ATP8A2: variants seen among roughly 807,000 people sequenced by gnomAD.
ATP8A2 encodes the protein ATPase phospholipid transporting 8A2.
In ATP8A2, 100 loss-of-function variants were observed where a neutral mutation model predicts 165.6. That is an observed-to-expected ratio of 0.60 (90% CI 0.51 to 0.71). ATP8A2 has a LOEUF of 0.71. Among genes scored for constraint, ATP8A2 ranks in the 30% least tolerant of loss-of-function variants. ATP8A2 has a pLI of 0.00. For synonymous variants in ATP8A2, 543 were observed against 548.8 expected (o/e 0.99, Z 0.15); for missense variants, 1,227 against 1,479.5 (o/e 0.83, Z 2.80).
At chr13:25,647,248 A>T (rs970598047) in intron 24 of ATP8A2, among the ~76,000 whole-genome samples, 1 of 152,224 alleles carries the variant, frequency 6.6e-6, no homozygotes, top group Admixed American at 6.5e-5. Flanking sequence ...GTTTCAGCTT[A>T]AAAAATTCCC....
chr13:25,506,940 C>CATATATATATATATATAT (rs59774160), intron 2 of ATP8A2, among the ~76,000 whole-genome samples: 1,568 of 128,340 alleles, frequency 0.012, 27 homozygotes, highest in African/African-American at 0.016. Context: ...CAGTACAGTA[C>CATATATATATATATATAT]ATATATATAT....
chr13:25,756,385 G>A (rs769761094), intron 25 of ATP8A2, among the ~76,000 whole-genome samples: 97 of 149,302 alleles, frequency 6.5e-4, no homozygotes, highest in Non-Finnish European at 1.1e-3. Flanking sequence ...GGAGTGAAGT[G>A]GTGTGGTTGT....
chr13:25,957,943 G>T (rs910763180), intron 33 of ATP8A2, among the ~76,000 whole-genome samples: 8 of 152,114 alleles, frequency 5.3e-5, no homozygotes, highest in Non-Finnish European at 1.0e-4. Flanking sequence ...CCATAAAAAA[G>T]GATGAGTTCA....
intron 25 of ATP8A2, among the ~76,000 whole-genome samples, chr13:25,707,085 A>G (rs1197264562): frequency 6.6e-6 from 1 of 152,216 alleles, no homozygotes; most frequent in African/African-American, 2.4e-5. Context: ...CTCTAGAATA[A>G]AACTAGACTG....
At chr13:25,754,751 A>T (rs1277778473) in intron 25 of ATP8A2, among the ~76,000 whole-genome samples, 1 of 152,202 alleles carries the variant, frequency 6.6e-6, no homozygotes, top group Non-Finnish European at 1.5e-5. Flanking sequence ...GTTTTTTAAT[A>T]TAGCAAAAGA....
intron 27 of ATP8A2, among the ~76,000 whole-genome samples, chr13:25,796,761 A>G (rs1950506906): frequency 6.6e-6 from 1 of 152,164 alleles, no homozygotes; most frequent in South Asian, 2.1e-4. Context: ...CAGGTGTATT[A>G]CTCATTAAAT....
At chr13:25,492,017 A>C (rs754041592) in intron 2 of ATP8A2, among the ~76,000 whole-genome samples, 1 of 152,172 alleles carries the variant, frequency 6.6e-6, no homozygotes, top group Non-Finnish European at 1.5e-5. Context: ...GGACGATAAA[A>C]ATTTTTATTA....
intron 25 of ATP8A2, among the ~76,000 whole-genome samples, chr13:25,702,039 G>A (rs1229032045): frequency 6.6e-6 from 1 of 151,848 alleles, no homozygotes; most frequent in Non-Finnish European, 1.5e-5. Flanking sequence ...AAAGAAAAAA[G>A]CACTTGTACA....
chr13:25,836,135 T>C (rs9581455), intron 28 of ATP8A2, among the ~76,000 whole-genome samples: 3,805 of 152,190 alleles, frequency 0.025, 163 homozygotes, highest in African/African-American at 0.084. Flanking sequence ...TTCTGGTGCC[T>C]AGGTAAACTG....
chr13:25,724,377 C>CA (rs2043449187), intron 25 of ATP8A2, among the ~76,000 whole-genome samples: 1 of 152,104 alleles, frequency 6.6e-6, no homozygotes, highest in Non-Finnish European at 1.5e-5. Flanking sequence ...TGAGGTCAGT[C>CA]AGAGAGAGTG....
intron 1 of ATP8A2, among the ~76,000 whole-genome samples, chr13:25,441,627 A>C (rs2034933939): frequency 6.6e-6 from 1 of 152,174 alleles, no homozygotes; most frequent in Non-Finnish European, 1.5e-5. Context: ...TTTTATAAAC[A>C]TTGTTGTATT....
intron 24 of ATP8A2, among the ~76,000 whole-genome samples, chr13:25,626,264 A>G (rs1020366499): frequency 3.3e-5 from 5 of 152,186 alleles, no homozygotes; most frequent in African/African-American, 1.2e-4. Flanking sequence ...AAGTTTATTT[A>G]GCTAATGGTT....
At chr13:25,833,867 A>G (rs985371304) in intron 28 of ATP8A2, among the ~76,000 whole-genome samples, 4 of 152,232 alleles carry the variant, frequency 2.6e-5, no homozygotes, top group African/African-American at 9.6e-5. Context: ...TTAAAAAACC[A>G]ATAGACAAAG....
intron 30 of ATP8A2, among the ~76,000 whole-genome samples, chr13:25,845,652 C>A: frequency 6.6e-6 from 1 of 152,308 alleles, no homozygotes; most frequent in East Asian, 1.9e-4. Flanking sequence ...AATAGTAGTG[C>A]ACGTGTATAA....
intron 30 of ATP8A2, among the ~76,000 whole-genome samples, chr13:25,852,526 G>A (rs934266239): frequency 2.0e-5 from 3 of 152,130 alleles, no homozygotes; most frequent in African/African-American, 2.4e-5. Flanking sequence ...TCTGTCCACC[G>A]CAGTTCTCTC....
intron 35 of ATP8A2, among the ~76,000 whole-genome samples, chr13:25,990,256 A>C (rs1372838447): frequency 8.3e-6 from 1 of 120,668 alleles, no homozygotes; most frequent in Non-Finnish European, 1.7e-5. Context: ...CCAAGCATGT[A>C]ACTGTAAAAA....
chr13:25,503,433 C>T (rs1349917022), intron 2 of ATP8A2, among the ~76,000 whole-genome samples: 2 of 152,200 alleles, frequency 1.3e-5, no homozygotes, highest in Admixed American at 1.3e-4. Flanking sequence ...AACTTTCCAG[C>T]TGCAGGAGTT....
At chr13:25,996,440 A>G (rs1014394391) in intron 35 of ATP8A2, among the ~76,000 whole-genome samples, 3 of 152,196 alleles carry the variant, frequency 2.0e-5, no homozygotes, top group Admixed American at 2.0e-4. Flanking sequence ...GTATTTACTC[A>G]TATTTTGCTT....
intron 2 of ATP8A2, among the ~76,000 whole-genome samples, chr13:25,517,500 A>G (rs911079664): frequency 6.6e-6 from 1 of 152,200 alleles, no homozygotes; most frequent in Admixed American, 6.5e-5. Context: ...ACAGATTTGG[A>G]AATCTGATAG....
Sources: allele counts gnomAD v4.1 joint callset (sites outside exome capture counted in the v4.1 genomes callset), GRCh38; gene constraint gnomAD v4.1.1; transcripts MANE v1.5; gene names NCBI Gene and HGNC (gene_info 2026-07-23, HGNC 2026-07-21).